The following TUSC3 variants were observed in gnomAD, a reference collection of about 807,000 sequenced individuals.
TUSC3 encodes tumor suppressor candidate 3, also known as dolichyl-diphosphooligosaccharide--protein glycosyltransferase subunit TUSC3.
Under a neutral mutation model 44.8 loss-of-function variants are expected in TUSC3, and 45 were observed. That is an observed-to-expected ratio of 1.00 (90% CI 0.79 to 1.29). The LOEUF is 1.29. Among genes scored for constraint, TUSC3 ranks in the 50% most tolerant of loss-of-function variants. The pLI, the probability that TUSC3 is intolerant of heterozygous loss-of-function variation, is 0.00. For synonymous variants in TUSC3, 212 were observed against 152.9 expected (o/e 1.39, Z -2.85); for missense variants, 519 against 437.9 (o/e 1.19, Z -1.65).
Position 15,499,827 on chromosome 8 carries a change from G to A in TUSC3, n.189+16344G>A, listed in dbSNP as rs559872910. Among the ~76,000 whole-genome samples the A allele has an allele frequency of 1.9e-3, 289 of 152,034 alleles. 2 individuals carry two copies. Among genetic ancestry groups the A allele is most frequent in the Middle Eastern group, 3.2e-3 (1 of 316 alleles). ...GCAGCTTGTCAACTGTAGATTCTAA[G>A]ACTTCTCAGCTTCCATAAGTGTATG... On this transcript the variant is annotated intron_variant and non_coding_transcript_variant, in intron 2 of 5. Coordinates refer to the TUSC3 transcript ENST00000503191.
intron 6 of TUSC3, among the ~76,000 whole-genome samples, chr8:15,705,825 C>T (rs1585250577): frequency 6.6e-6 from 1 of 152,132 alleles, no homozygotes. Flanking sequence ...TTTTGGTTCT[C>T]ATCCCCTCCT....
chr8:15,668,174 T>C lies in TUSC3; in HGVS notation c.709-5573T>C, dbSNP rs1246372082. On this transcript the variant is annotated intron_variant, in intron 5 of 10. Transcript: ENST00000503731. ...AGAATTGTGCCTGGCATGTAGAAAG[T>C]GTTTAGTAAATATTTGTTGAGTGAG... Among the ~76,000 whole-genome samples the C allele has an allele frequency of 2.0e-5, 3 of 151,770 alleles. No homozygotes were observed. In the Admixed American group the frequency reaches 2.0e-4, roughly 10 times the overall value.
intron 5 of TUSC3, among the ~76,000 whole-genome samples, chr8:15,672,607 C>T (rs777631256): frequency 6.6e-6 from 1 of 152,148 alleles, no homozygotes; most frequent in East Asian, 1.9e-4. Flanking sequence ...TTTAAACATA[C>T]CAGTGGTAGG....
the TUSC3 span, among the ~76,000 whole-genome samples, chr8:15,795,043 G>A: frequency 3.9e-5 from 6 of 152,126 alleles, no homozygotes; most frequent in South Asian, 8.3e-4. Context: ...TTAATCTGAC[G>A]GAAAGAGGTT....
chr8:15,540,127 G>C, upstream of TUSC3: 1 of 367,444 alleles, frequency 2.7e-6, no homozygotes, highest in Non-Finnish European at 4.9e-6. Flanking sequence ...CCTCTCCTCA[G>C]CGCTGGTCCG....
intron 8 of TUSC3, among the ~76,000 whole-genome samples, chr8:15,744,352 C>T (rs527597722): frequency 5.3e-5 from 8 of 152,172 alleles, no homozygotes; most frequent in East Asian, 3.9e-4. Context: ...AAAGGACAGT[C>T]GATTGTTTCC....
chr8:15,815,689 T>A, the TUSC3 span, among the ~76,000 whole-genome samples: 1 of 152,122 alleles, frequency 6.6e-6, no homozygotes, highest in Non-Finnish European at 1.5e-5. Flanking sequence ...GCAATTCCCA[T>A]CTCTTATGGC....
the TUSC3 span, among the ~76,000 whole-genome samples, chr8:15,772,192 A>G: frequency 6.6e-6 from 1 of 152,104 alleles, no homozygotes; most frequent in Non-Finnish European, 1.5e-5. Flanking sequence ...ATGTATAGAA[A>G]TAAAGATCAG....
At chr8:15,516,006 T>C (rs888126338) in intron 2 of TUSC3, among the ~76,000 whole-genome samples, 12 of 152,296 alleles carry the variant, frequency 7.9e-5, no homozygotes, top group African/African-American at 2.6e-4. Flanking sequence ...TACTATGTCC[T>C]TAGCATTTTC....
intron 2 of TUSC3, among the ~76,000 whole-genome samples, chr8:15,626,168 G>T (rs1351584504): frequency 1.3e-5 from 2 of 152,114 alleles, no homozygotes; most frequent in Admixed American, 1.3e-4. Flanking sequence ...CTGAGCCTAG[G>T]CAGGACCCAC....
rs149561970 is a variant in TUSC3 at position 15,715,697 on chromosome 8, C to T, written c.799-14969C>T. 2.1e-5 allele frequency among the ~76,000 whole-genome samples: 3 copies of T among 144,434 alleles called. No individual in the cohort carries two copies. The East Asian group carries it at 6.0e-4, about 29-fold the overall frequency. 94.8% of individuals were successfully genotyped at this position (144,434 alleles called of 152,430 possible). A position where few individuals can be genotyped will look rare whatever the true frequency, so the allele number is the denominator to read the frequency against. Reference sequence around the variant, plus strand: ...CTACTATGCATTTCCTGATGTAAAACAGAAAAAAAAAAATTATTTCACATT... The same window carrying T: ...CTACTATGCATTTCCTGATGTAAAATAGAAAAAAAAAAATTATTTCACATT... On this transcript the variant is annotated intron_variant, in intron 6 of 10. Transcript: ENST00000503731.
intron 6 of TUSC3, among the ~76,000 whole-genome samples, chr8:15,715,710 A>T (rs1450517891): frequency 1.3e-5 from 2 of 151,638 alleles, no homozygotes; most frequent in African/African-American, 2.4e-5. Flanking sequence ...AAAAAAAAAA[A>T]TTATTTCACA....
At chr8:15,595,923 G>T (rs891852083) in intron 1 of TUSC3, among the ~76,000 whole-genome samples, 1 of 152,156 alleles carries the variant, frequency 6.6e-6, no homozygotes, top group Non-Finnish European at 1.5e-5. Flanking sequence ...TAGGAACTTA[G>T]TGATTTGACC....
At chr8:15,532,939 C>G (rs1801470102) in intron 2 of TUSC3, among the ~76,000 whole-genome samples, 1 of 152,086 alleles carries the variant, frequency 6.6e-6, no homozygotes, top group African/African-American at 2.4e-5. Flanking sequence ...ATTACAGGTG[C>G]CTGTCACCAT....
chr8:15,647,704 G>C (rs1806695150), intron 2 of TUSC3, among the ~76,000 whole-genome samples: 1 of 152,018 alleles, frequency 6.6e-6, no homozygotes, highest in South Asian at 2.1e-4. Context: ...ATATTTTAAG[G>C]TAATTTTCTG....
chr8:15,462,924 T>C (rs572944816), intron 1 of TUSC3, among the ~76,000 whole-genome samples: 3 of 152,194 alleles, frequency 2.0e-5, no homozygotes, highest in East Asian at 1.9e-4. Context: ...AAACCAATTT[T>C]TCAGGTGTAA....
At chr8:15,693,808 A>C (rs570202323) in intron 6 of TUSC3, among the ~76,000 whole-genome samples, 2 of 152,096 alleles carry the variant, frequency 1.3e-5, no homozygotes, top group South Asian at 4.2e-4. Context: ...CCCTTTACAT[A>C]GTCCCATATT....
the TUSC3 span, among the ~76,000 whole-genome samples, chr8:15,834,332 A>G: frequency 1.3e-5 from 2 of 152,104 alleles, no homozygotes; most frequent in African/African-American, 4.8e-5. Flanking sequence ...CTTTTTAGTT[A>G]CTGTGTCATC....
At chr8:15,581,601 C>T (rs141362929) in intron 1 of TUSC3, among the ~76,000 whole-genome samples, 1 of 148,468 alleles carries the variant, frequency 6.7e-6, no homozygotes, top group African/African-American at 2.5e-5. Context: ...TGTGCCCCTG[C>T]TGCGGGGTGC....
Sources: gnomAD v4.1 joint callset for allele counts (sites outside exome capture counted in the v4.1 genomes callset) on GRCh38, gnomAD v4.1.1 for gene constraint, MANE v1.5 for transcripts, NCBI Gene and HGNC (gene_info 2026-07-23, HGNC 2026-07-21) for gene names.